The following MGAT4C variants were observed in gnomAD, a reference collection of about 807,000 sequenced individuals.
MGAT4C encodes the protein alpha-1,3-mannosyl-glycoprotein 4-beta-N-acetylglucosaminyltransferase C.
A neutral mutation model predicts 40.1 loss-of-function variants in MGAT4C; 19 were observed. That is an observed-to-expected ratio of 0.47 (90% confidence interval 0.33 to 0.70). MGAT4C has a LOEUF of 0.70. Among genes scored for constraint, MGAT4C ranks in the 30% least tolerant of loss-of-function variants. MGAT4C has a pLI of 0.02. For synonymous variants in MGAT4C, 181 were observed against 187.1 expected, an observed-to-expected ratio of 0.97 and a Z score of 0.27; for missense variants, 491 against 563.2, an observed-to-expected ratio of 0.87 and a Z score of 1.30.
At chr12:86,830,792 C>T (rs1952910700) in intron 1 of MGAT4C, among the ~76,000 whole-genome samples, 1 of 151,574 alleles carries the variant, frequency 6.6e-6, no homozygotes, top group Non-Finnish European at 1.5e-5. Context: ...ACACCTCAGG[C>T]CTCTGCTTTC....
chr12:86,138,240 C>A (rs1882252761), intron 1 of MGAT4C, among the ~76,000 whole-genome samples: 1 of 151,754 alleles, frequency 6.6e-6, no homozygotes, highest in African/African-American at 2.4e-5. Context: ...AACTCAGACT[C>A]ATTTCTCATT....
intron 1 of MGAT4C, among the ~76,000 whole-genome samples, chr12:86,137,683 C>T (rs1882165606): frequency 6.6e-6 from 1 of 152,154 alleles, no homozygotes; most frequent in Admixed American, 6.6e-5. Flanking sequence ...TTTGTAGGTG[C>T]TATGGCCAGA....
intron 2 of MGAT4C, among the ~76,000 whole-genome samples, chr12:86,598,653 A>C (rs1209680877): frequency 6.6e-6 from 1 of 152,116 alleles, no homozygotes; most frequent in South Asian, 2.1e-4. Flanking sequence ...ATATAAGCTC[A>C]TCAGGGAAAT....
chr12:86,315,358 A>G (rs1057355837), intron 4 of MGAT4C, among the ~76,000 whole-genome samples: 1 of 152,172 alleles, frequency 6.6e-6, no homozygotes, highest in South Asian at 2.1e-4. Context: ...CATACAAAAA[A>G]TAACTCAAGA....
chr12:86,121,653 A>G (rs1879397779), intron 1 of MGAT4C, among the ~76,000 whole-genome samples: 1 of 152,206 alleles, frequency 6.6e-6, no homozygotes, highest in South Asian at 2.1e-4. Context: ...ACTAAGCTTC[A>G]TAAGTGAAGG....
chr12:86,616,288 T>C (rs541026806), intron 2 of MGAT4C, among the ~76,000 whole-genome samples: 2 of 152,238 alleles, frequency 1.3e-5, no homozygotes, highest in African/African-American at 4.8e-5. Flanking sequence ...TTGTGATTGT[T>C]GAGTAGATAT....
At position 86,426,848 on chromosome 12, in the gene MGAT4C, G is replaced by T. The variant is rs539643984; in HGVS notation, c.-120+8309C>A. On this transcript the variant is annotated intron_variant, in intron 3 of 7. Coordinates refer to the MGAT4C transcript ENST00000548651. Reference sequence around the variant, plus strand: ...TGTAGTCCCAGCCACTCGGGAGGCTGAGGCAGGAGAATGGCGTGAACCCGG... The same window carrying T: ...TGTAGTCCCAGCCACTCGGGAGGCTTAGGCAGGAGAATGGCGTGAACCCGG... 2.2e-4 allele frequency among the ~76,000 whole-genome samples: 34 copies of T among 152,288 alleles called. No individual in the cohort carries two copies. In the East Asian group the frequency reaches 5.8e-3, roughly 26 times the overall value.
chr12:86,353,023 T>A (rs1252153205), intron 3 of MGAT4C, among the ~76,000 whole-genome samples: 1 of 143,074 alleles, frequency 7.0e-6, no homozygotes, highest in Non-Finnish European at 1.5e-5. Flanking sequence ...ATAATAATAA[T>A]AAAATAAAAA....
At chr12:86,156,434 T>C (rs1470058716) in intron 1 of MGAT4C, among the ~76,000 whole-genome samples, 5 of 152,152 alleles carry the variant, frequency 3.3e-5, no homozygotes, top group African/African-American at 1.2e-4. Flanking sequence ...GCGATTCTCC[T>C]GCCTCAGCCT....
chr12:86,675,330 G>A (rs371736571), intron 2 of MGAT4C, among the ~76,000 whole-genome samples: 2 of 152,086 alleles, frequency 1.3e-5, no homozygotes, highest in Admixed American at 1.3e-4. Flanking sequence ...GACTCTTATC[G>A]TGATGACTCC....
chr12:86,809,559 TAA>T, intron 1 of MGAT4C, among the ~76,000 whole-genome samples: 1 of 151,468 alleles, frequency 6.6e-6, no homozygotes, highest in South Asian at 2.1e-4. Flanking sequence ...TCCTATTTTT[TAA>T]AAAAAAATTT....
In MGAT4C at chr12:86,355,940, A is replaced by G. The variant is rs938619464; in HGVS notation, c.-119-21813T>C. ...TTATAAAATTATTTGAGCAGTTTTCAAAGTATGTAGATGAAATACATATGA... is the reference window on the plus strand; with the variant it reads ...TTATAAAATTATTTGAGCAGTTTTCGAAGTATGTAGATGAAATACATATGA... On this transcript the variant is annotated intron_variant, in intron 3 of 7. Transcript: ENST00000548651. Among the ~76,000 whole-genome samples, 100 of 152,190 alleles carry G rather than the reference A, an allele frequency of 6.6e-4. 1 individual carries two copies. Among genetic ancestry groups the G allele is most frequent in the African/African-American group, 1.9e-3 (79 of 41,452 alleles).
rs552830711 is a variant in MGAT4C, at chr12:85,969,444, T to A, written c.*9845A>T. ...CTATTATATGATTAATACAAAGTTA[T>A]AATTTTTGGAGTCTTTTAGTGTACC... On this transcript the variant is annotated 3_prime_UTR_variant, in exon 5 of 5. Transcript: ENST00000611864. 1.4e-3 allele frequency: 211 copies of A among 151,828 alleles called. No individual in the cohort carries two copies. The highest frequency in any genetic ancestry group is 4.7e-3 in the African/African-American group (194 of 41,536). The allele number at this position is 151,828 out of a possible 1,614,324, so 9.4% of individuals were successfully genotyped here. A position where few individuals can be genotyped will look rare whatever the true frequency, so the allele number is the denominator to read the frequency against.
At chr12:86,027,549 AC>A (rs965155447) in intron 2 of MGAT4C, among the ~76,000 whole-genome samples, 7 of 151,890 alleles carry the variant, frequency 4.6e-5, no homozygotes, top group African/African-American at 1.7e-4. Context: ...ATGATGAAAA[AC>A]ATTAACATAA....
chr12:86,336,189 T>C (rs184942479), intron 3 of MGAT4C, among the ~76,000 whole-genome samples: 51 of 152,288 alleles, frequency 3.3e-4, no homozygotes, highest in South Asian at 6.2e-4. Context: ...TTTCCAAGTA[T>C]TTTTTATTCA....
At chr12:86,611,340 G>A (rs1286634739) in intron 2 of MGAT4C, among the ~76,000 whole-genome samples, 5 of 151,804 alleles carry the variant, frequency 3.3e-5, no homozygotes, top group Middle Eastern at 3.4e-3. Context: ...ACACACACAC[G>A]TATGATAGAT....
chr12:86,692,741 A>C (rs919862728), intron 2 of MGAT4C, among the ~76,000 whole-genome samples: 2 of 152,132 alleles, frequency 1.3e-5, no homozygotes, highest in African/African-American at 4.8e-5. Flanking sequence ...AATCAGATCC[A>C]CCTATACAGT....
chr12:86,380,765 T>C (rs747665663), intron 3 of MGAT4C, among the ~76,000 whole-genome samples: 32 of 152,182 alleles, frequency 2.1e-4, no homozygotes, highest in Non-Finnish European at 3.5e-4. Flanking sequence ...TTTTTGAAGA[T>C]GCTTTAACAA....
chr12:86,518,208 A>T (rs1007703915), intron 2 of MGAT4C, among the ~76,000 whole-genome samples: 1 of 152,202 alleles, frequency 6.6e-6, no homozygotes, highest in South Asian at 2.1e-4. Flanking sequence ...ACAACAACAA[A>T]AAAATGAATA....
Sources: allele counts gnomAD v4.1 joint callset (sites outside exome capture counted in the v4.1 genomes callset), GRCh38; gene constraint gnomAD v4.1.1; transcripts MANE v1.5; gene names NCBI Gene and HGNC (gene_info 2026-07-23, HGNC 2026-07-21).